RFC2: variants seen among roughly 807,000 people sequenced by gnomAD.
RFC2 encodes the protein replication factor C subunit 2, also known as A1 40 kDa subunit.
Under a neutral mutation model 44.8 loss-of-function variants are expected in RFC2, and 34 were observed. That is an observed-to-expected ratio of 0.76 (90% CI 0.58 to 1.01). The LOEUF (loss-of-function observed/expected upper bound fraction) is 1.01. RFC2 is among the 50% of genes least tolerant of loss of function. The probability of loss-of-function intolerance (pLI) is 0.00; values close to 1 mark genes in which losing one functional copy is unlikely to be tolerated. For synonymous variants in RFC2, 177 were observed against 168.9 expected (o/e 1.05, Z -0.37); for missense variants, 400 against 453.6 (o/e 0.88, Z 1.07).
intron 4 of RFC2, 90 bp from the exon 5 acceptor site, chr7:74,246,853 T>C (rs1803641112): frequency 1.4e-6 from 1 of 696,982 alleles, no homozygotes. Context: ...TATCAGGGAC[T>C]GTGAGGCCCA....
intron 5 of RFC2, among the ~76,000 whole-genome samples, chr7:74,243,957 C>T (rs1250283218): frequency 1.1e-4 from 17 of 151,168 alleles, no homozygotes; most frequent in African/African-American, 4.1e-4. Flanking sequence ...AGAAAAAAAG[C>T]AAGTTATTAA....
rs781799944 is a variant in RFC2, at chr7:74,252,412, A to G, written c.183+17T>C. The G allele has an allele frequency of 3.9e-6, 6 of 1,526,064 alleles. No individual in the cohort carries two copies. In the African/African-American group the frequency reaches 5.5e-5, roughly 14 times the overall value. 94.5% of individuals were successfully genotyped at this position (1,526,064 alleles called of 1,614,324 possible). On this transcript the variant is annotated intron_variant, in intron 2 of 10. Transcript: ENST00000055077. ...ACAGAGCGAGACTCTGTCTCAAAAA[A>G]AAAAAAAGCCACTCACCTCTAGCCT...
chr7:74,244,445 C>T lies in RFC2; in HGVS notation c.435-1199G>A, dbSNP rs985279828. 5.3e-5 allele frequency among the ~76,000 whole-genome samples: 8 copies of T among 151,432 alleles called. No individual in the cohort carries two copies. The East Asian group carries it at 7.9e-4, about 15-fold the overall frequency. ...TCAGTTCACTGCAACCTCTGTCTCC[C>T]GGGTACAAGCGATTCTCCTGCCTTG... On this transcript the variant is annotated intron_variant, in intron 5 of 10. Coordinates refer to ENST00000055077, the MANE Select transcript of RFC2 (RefSeq NM_181471.3).
chr7:74,231,983 C>G lies in RFC2; in HGVS notation c.*123G>C. 6.0e-6 allele frequency: 4 copies of G among 669,480 alleles called. No homozygotes were observed. The highest frequency in any genetic ancestry group is 1.1e-5 in the Non-Finnish European group (4 of 377,506). 41.5% of individuals were successfully genotyped at this position (669,480 alleles called of 1,614,324 possible). On this transcript the variant is annotated 3_prime_UTR_variant, in exon 11 of 11. Coordinates refer to ENST00000055077, the MANE Select transcript of RFC2 (RefSeq NM_181471.3). ...GCGTGAGCTACCGTGCCTGGCCAGC[C>G]ACTGGAGTTTAAAGGACAGTCATGT... is the stretch of plus-strand genomic sequence containing the variant.
Position 74,232,733 on chromosome 7 carries a change from C to T in RFC2, c.955-517G>A, listed in dbSNP as rs184084294. 1.9e-3 allele frequency among the ~76,000 whole-genome samples: 289 copies of T among 152,244 alleles called. 3 individuals carry two copies. Among genetic ancestry groups the T allele is most frequent in the Non-Finnish European group, 1.2e-3 (84 of 68,008 alleles). On this transcript the variant is annotated intron_variant, in intron 10 of 10. Coordinates refer to ENST00000055077, the MANE Select transcript of RFC2 (RefSeq NM_181471.3). ...TACAAAAATTAGCCAGGTATGGTGGCGCACGCCTGTAATCCCAGCTACTCG... is the reference window on the plus strand; with the variant it reads ...TACAAAAATTAGCCAGGTATGGTGGTGCACGCCTGTAATCCCAGCTACTCG...
At chr7:74,244,096 C>CAAAAA (rs1179272254) in intron 5 of RFC2, among the ~76,000 whole-genome samples, 3 of 41,632 alleles carry the variant, frequency 7.2e-5, no homozygotes, top group African/African-American at 1.5e-4. Flanking sequence ...ACTAAAAATA[C>CAAAAA]AAAAAAAAAA....
chr7:74,250,080 G>A (rs1478339795), intron 2 of RFC2, among the ~76,000 whole-genome samples: 3 of 151,428 alleles, frequency 2.0e-5, no homozygotes, highest in Non-Finnish European at 4.4e-5. Flanking sequence ...TTGAGCCTGA[G>A]AAGTGGAGGC....
Position 74,243,129 on chromosome 7 carries a change from C to G in RFC2, c.535+17G>C. 1.3e-6 allele frequency: 2 copies of G among 1,579,158 alleles called. No individual in the cohort carries two copies. The highest frequency in any genetic ancestry group is 1.7e-6 in the Non-Finnish European group (2 of 1,148,648). ...TGAGCACCACGTGGCCCCCAGCCAC[C>G]GAAAGCTCCCACTCACCGATGATCT... On this transcript the variant is annotated intron_variant, in intron 6 of 10. Transcript: ENST00000055077.
In RFC2 at chr7:74,232,232, A is replaced by G; in HGVS notation, c.955-16T>C. The G allele has an allele frequency of 2.1e-6, 3 of 1,395,818 alleles. No homozygotes were observed. Among genetic ancestry groups the G allele is most frequent in the Non-Finnish European group, 2.0e-6 (2 of 982,424 alleles). The allele number at this position is 1,395,818 out of a possible 1,614,324, so 86.5% of individuals were successfully genotyped here. On this transcript the variant is annotated splice_polypyrimidine_tract_variant and intron_variant, in intron 10 of 10. Coordinates refer to ENST00000055077, the MANE Select transcript of RFC2 (RefSeq NM_181471.3). ...ATCCAATTTCCTGAAAAACAAACCA[A>G]ATTCAAATCTGGTTAATAAGTGGGG...
At chr7:74,253,254 CTT>C (rs797037976) in intron 1 of RFC2, among the ~76,000 whole-genome samples, 111 of 150,040 alleles carry the variant, frequency 7.4e-4, no homozygotes, top group African/African-American at 2.6e-3. Context: ...GAGTTTTGCT[CTT>C]GTTGCCCAGG....
intron 2 of RFC2, among the ~76,000 whole-genome samples, chr7:74,250,869 A>G (rs1459426591): frequency 6.6e-6 from 1 of 151,718 alleles, no homozygotes; most frequent in African/African-American, 2.4e-5. Context: ...GCTCACTGCA[A>G]CCTCCGCCTC....
chr7:74,232,830 A>C (rs1246773290), intron 10 of RFC2, among the ~76,000 whole-genome samples: 1 of 152,184 alleles, frequency 6.6e-6, no homozygotes, highest in Non-Finnish European at 1.5e-5. Context: ...GTGCCACTGC[A>C]CTCCAGCCTG....
intron 7 of RFC2, among the ~76,000 whole-genome samples, chr7:74,239,362 C>T (rs887559824): frequency 1.3e-5 from 2 of 151,512 alleles, no homozygotes; most frequent in South Asian, 2.1e-4. Context: ...GACAGAGTCT[C>T]GCTCTGTCGC....
chr7:74,246,039 A>G (rs1280488798), intron 5 of RFC2, among the ~76,000 whole-genome samples: 1 of 151,634 alleles, frequency 6.6e-6, no homozygotes. Flanking sequence ...TACTAAAAAT[A>G]CAAAAAATCA....
intron 10 of RFC2, among the ~76,000 whole-genome samples, chr7:74,235,297 A>T (rs955101307): frequency 1.7e-4 from 26 of 152,158 alleles, no homozygotes; most frequent in Non-Finnish European, 3.4e-4. Context: ...TCGGCCTCCC[A>T]AAGTGCTGGG....
rs782538206 is a variant in RFC2 at position 74,237,356 on chromosome 7, G to T, written c.840+6C>A. On this transcript the variant is annotated splice_donor_region_variant and intron_variant, in intron 9 of 10. Transcript: ENST00000055077. ...CCTCTGCCAGGACGGGGGGAAGGAG[G>T]CCAACCTTGTAGGCTTCGTCAATGT... 1.4e-5 allele frequency: 22 copies of T among 1,599,682 alleles called. No individual in the cohort carries two copies. Among genetic ancestry groups the T allele is most frequent in the Non-Finnish European group, 1.8e-5 (21 of 1,173,118 alleles).
rs538431770 is a variant in RFC2, at chr7:74,233,722, G to A, written c.955-1506C>T. 4.9e-4 allele frequency: 209 copies of A among 426,862 alleles called. 4 individuals are homozygous for A. The highest frequency in any genetic ancestry group is 3.2e-3 in the South Asian group (196 of 62,032). The allele number at this position is 426,862 out of a possible 1,614,324, so 26.4% of individuals were successfully genotyped here. A position where few individuals can be genotyped will look rare whatever the true frequency, so the allele number is the denominator to read the frequency against. On this transcript the variant is annotated intron_variant, in intron 10 of 10. Transcript: ENST00000055077. ...TTCAAGCGATCCTCCTCCCTCAGCC[G>A]CCCGAGTAGCTGGGATTACAGGTGT...
chr7:74,242,594 A>T (rs1554719409), intron 6 of RFC2, among the ~76,000 whole-genome samples: 1 of 151,934 alleles, frequency 6.6e-6, no homozygotes, highest in East Asian at 1.9e-4. Flanking sequence ...GCTACACAAT[A>T]AAAAAATCCC....
intron 2 of RFC2, among the ~76,000 whole-genome samples, chr7:74,250,512 T>C (rs1192161670): frequency 6.6e-6 from 1 of 152,126 alleles, no homozygotes; most frequent in Non-Finnish European, 1.5e-5. Context: ...TTTCCCACCA[T>C]GGACTGTCTA....
Sources: allele counts gnomAD v4.1 joint callset (sites outside exome capture counted in the v4.1 genomes callset), GRCh38; gene constraint gnomAD v4.1.1; transcripts MANE v1.5; gene names NCBI Gene and HGNC (gene_info 2026-07-23, HGNC 2026-07-21).